The following PTPRG variants were observed in gnomAD, a reference collection of about 807,000 sequenced individuals.
The protein encoded by PTPRG is protein tyrosine phosphatase receptor type G.
In PTPRG, 102 loss-of-function variants were observed where a neutral mutation model predicts 165.3. The observed-to-expected ratio is 0.62, with a 90% CI of 0.53 to 0.73. PTPRG has a LOEUF of 0.73. Among genes scored for constraint, PTPRG ranks in the 30% least tolerant of loss-of-function variants. The pLI is 0.00. For synonymous variants in PTPRG, 675 were observed against 669.5 expected (o/e 1.01, Z -0.13); for missense variants, 1,866 against 1,861.4 (o/e 1.00, Z -0.05).
At chr3:61,766,911 C>CT (rs2034037468) in intron 2 of PTPRG, among the ~76,000 whole-genome samples, 1 of 151,792 alleles carries the variant, frequency 6.6e-6, no homozygotes, top group Non-Finnish European at 1.5e-5. Context: ...TGAGCCATCG[C>CT]GCCCAGCCCA....
At chr3:62,047,407 G>A (rs1421408336) in intron 4 of PTPRG, among the ~76,000 whole-genome samples, 1 of 152,040 alleles carries the variant, frequency 6.6e-6, no homozygotes, top group Non-Finnish European at 1.5e-5. Context: ...CCACAAGCGT[G>A]AACCACCACG....
chr3:62,214,958 C>G lies in PTPRG; in HGVS notation c.2156-3893C>G, dbSNP rs9863731. Among the ~76,000 whole-genome samples, 17,517 of 152,154 alleles carry G rather than the reference C, an allele frequency of 0.12. 1,647 individuals are homozygous for G. The highest frequency in any genetic ancestry group is 0.27 in the East Asian group (1,379 of 5,154). The stretch of plus-strand genomic sequence containing the variant: ...AGCATTTGAACCAGGACTGAAGGAT[C>G]AATAAGATGAATTCTGGCATCAGGA... On this transcript the variant is annotated intron_variant, in intron 12 of 29. Transcript: ENST00000474889. This position sits in a 1 kb window ranked among gnomAD's most constrained non-coding sequence, Gnocchi z 5.2.
At chr3:62,208,318 T>G (rs1433567287) in intron 12 of PTPRG, among the ~76,000 whole-genome samples, 4 of 152,212 alleles carry the variant, frequency 2.6e-5, no homozygotes, top group Non-Finnish European at 4.4e-5. Flanking sequence ...TGCAATGAAA[T>G]GTTCTTGGGG....
chr3:61,868,104 A>G (rs377602746), intron 2 of PTPRG, among the ~76,000 whole-genome samples: 1 of 152,180 alleles, frequency 6.6e-6, no homozygotes. Context: ...TAAACACATG[A>G]AGAAGTGCAG....
At chr3:61,685,544 C>T (rs1217426799) in intron 1 of PTPRG, among the ~76,000 whole-genome samples, 1 of 152,134 alleles carries the variant, frequency 6.6e-6, no homozygotes, top group Non-Finnish European at 1.5e-5. Context: ...ACAGGCAGAC[C>T]CCAGTAGTAC....
chr3:62,267,843 C>T, intron 19 of PTPRG, 24 bp downstream of exon 19: 1 of 1,606,290 alleles, frequency 6.2e-7, no homozygotes. Flanking sequence ...GACTCACTAT[C>T]TTAATAATGC....
At chr3:61,725,095 C>A (rs1258126974) in intron 1 of PTPRG, among the ~76,000 whole-genome samples, 2 of 152,106 alleles carry the variant, frequency 1.3e-5, no homozygotes, top group African/African-American at 2.4e-5. Context: ...TTACCACTTA[C>A]GAGTTTCATA....
chr3:61,936,026 G>C (rs945342553), intron 2 of PTPRG, among the ~76,000 whole-genome samples: 1 of 152,058 alleles, frequency 6.6e-6, no homozygotes, highest in African/African-American at 2.4e-5. Flanking sequence ...GATTAAAGTT[G>C]AATGAAGTGC....
At chr3:62,207,351 T>TACAC in intron 12 of PTPRG, among the ~76,000 whole-genome samples, 1 of 152,362 alleles carries the variant, frequency 6.6e-6, no homozygotes, top group East Asian at 1.9e-4. Context: ...GCCTGTTGAT[T>TACAC]AGTAAAGGAC....
At chr3:62,220,091 C>T (rs1039735944) in intron 13 of PTPRG, among the ~76,000 whole-genome samples, 2 of 152,204 alleles carry the variant, frequency 1.3e-5, no homozygotes, top group African/African-American at 2.4e-5. Flanking sequence ...GCACATGCAA[C>T]GGCCCTGAGG....
chr3:61,603,592 A>C (rs1700923392), intron 1 of PTPRG, among the ~76,000 whole-genome samples: 1 of 152,218 alleles, frequency 6.6e-6, no homozygotes, highest in Non-Finnish European at 1.5e-5. Flanking sequence ...AAATGCTACA[A>C]ACTGGTGAGT....
At chr3:61,697,271 C>T (rs527817288) in intron 1 of PTPRG, among the ~76,000 whole-genome samples, 10 of 152,158 alleles carry the variant, frequency 6.6e-5, no homozygotes, top group East Asian at 1.9e-4. Context: ...AACAATACTC[C>T]GAAGTCTCAT....
intron 2 of PTPRG, among the ~76,000 whole-genome samples, chr3:61,798,171 A>G (rs369812437): frequency 6.6e-6 from 1 of 152,332 alleles, no homozygotes; most frequent in South Asian, 2.1e-4. Flanking sequence ...AACCCTGCCC[A>G]GTATCATGGG....
chr3:61,917,696 G>A (rs914199367), intron 2 of PTPRG, among the ~76,000 whole-genome samples: 12 of 152,198 alleles, frequency 7.9e-5, no homozygotes, highest in African/African-American at 2.9e-4. Context: ...TTGCGAGGCT[G>A]AGGCAGGCGG....
At chr3:61,892,816 CAA>C (rs1311103826) in intron 2 of PTPRG, among the ~76,000 whole-genome samples, 23 of 120,572 alleles carry the variant, frequency 1.9e-4, no homozygotes, top group East Asian at 2.5e-4. Context: ...AACTCTGTCT[CAA>C]AAAAAAAAAA....
intron 3 of PTPRG, among the ~76,000 whole-genome samples, chr3:62,002,877 C>T (rs1297320911): frequency 6.6e-6 from 1 of 152,158 alleles, no homozygotes; most frequent in Non-Finnish European, 1.5e-5. Flanking sequence ...TGATATCTTG[C>T]CTACATTTTC....
intron 4 of PTPRG, among the ~76,000 whole-genome samples, chr3:62,034,633 C>A (rs544308273): frequency 1.7e-4 from 26 of 152,318 alleles, no homozygotes; most frequent in African/African-American, 6.3e-4. Flanking sequence ...GTATACATTT[C>A]TCTGTTCTGA....
At chr3:61,863,514 C>T (rs749482639) in intron 2 of PTPRG, among the ~76,000 whole-genome samples, 14 of 152,218 alleles carry the variant, frequency 9.2e-5, no homozygotes, top group Non-Finnish European at 1.8e-4. Flanking sequence ...TAATTCCTGG[C>T]CTTCTCTCAG....
intron 17 of PTPRG, among the ~76,000 whole-genome samples, chr3:62,267,105 C>T (rs1701901334): frequency 6.6e-6 from 1 of 151,942 alleles, no homozygotes; most frequent in African/African-American, 2.4e-5. Context: ...AGGGCATAAT[C>T]AAAGCCCTTT....
Sources: allele counts gnomAD v4.1 joint callset (sites outside exome capture counted in the v4.1 genomes callset), GRCh38; gene constraint gnomAD v4.1.1; non-coding constraint Gnocchi (gnomAD v3.1); transcripts MANE v1.5; gene names NCBI Gene and HGNC (gene_info 2026-07-23, HGNC 2026-07-21).